Variants in PLPPR4 observed in about 807,000 individuals in gnomAD.
PLPPR4 encodes the protein phospholipid phosphatase related 4.
PLPPR4 carries 24 observed loss-of-function variants against 56.6 expected under a neutral mutation model. The observed-to-expected ratio is 0.42, with a 90% CI of 0.31 to 0.60. The LOEUF is 0.60. Ranked by LOEUF, PLPPR4 falls within the 20% of genes least tolerant of loss-of-function variation. PLPPR4 has a pLI of 0.13. For missense variants in PLPPR4, 654 were observed against 885.8 expected, an observed-to-expected ratio of 0.74 and a Z score of 3.32; for synonymous variants, 326 against 328.1, an observed-to-expected ratio of 0.99 and a Z score of 0.07.
upstream of PLPPR4, among the ~76,000 whole-genome samples, chr1:99,263,270 C>T (rs753173324): frequency 5.9e-5 from 9 of 151,990 alleles, no homozygotes; most frequent in Admixed American, 2.0e-4. Flanking sequence ...TCAACTAAGC[C>T]GGGATATTAT....
At chr1:99,305,055 A>G (rs909034040) in intron 6 of PLPPR4, among the ~76,000 whole-genome samples, 1 of 152,176 alleles carries the variant, frequency 6.6e-6, no homozygotes, top group Non-Finnish European at 1.5e-5. Flanking sequence ...TTCCCAATTT[A>G]TGACCAAGTT....
intron 1 of PLPPR4, among the ~76,000 whole-genome samples, chr1:99,273,476 C>T (rs902623558): frequency 2.6e-4 from 40 of 152,154 alleles, no homozygotes; most frequent in Admixed American, 2.0e-3. Context: ...CAAAAGTCTG[C>T]GCTATGGGTT....
rs565385017 is a variant in PLPPR4 at position 99,296,834 on chromosome 1, A to T, written c.361A>T (p.Asn121Tyr). Residue 121 changes from asparagine (N) to tyrosine (Y), a missense_variant, in exon 3 of 7, where the codon AAT (asparagine) becomes TAT (tyrosine). Coordinates refer to ENST00000370185, the MANE Select transcript of PLPPR4 (RefSeq NM_014839.5). ...CATTAATGCTGGAGGCTGCAACTTCAATTCCTTCCTCAGACGAGCTGTCAG... is the reference window on the plus strand; with the variant it reads ...CATTAATGCTGGAGGCTGCAACTTCTATTCCTTCCTCAGACGAGCTGTCAG... The part of the protein sequence containing the change: ...PNINAGGCNF[N>Y]SFLRRAVRFV... The T allele has an allele frequency of 6.3e-7, 1 of 1,592,586 alleles. No individual in the cohort carries two copies. Among genetic ancestry groups the T allele is most frequent in the African/African-American group, 1.3e-5 (1 of 74,720 alleles).
intron 2 of PLPPR4, among the ~76,000 whole-genome samples, chr1:99,292,840 C>G (rs1376341957): frequency 1.3e-5 from 2 of 151,616 alleles, no homozygotes; most frequent in East Asian, 3.9e-4. Context: ...CAGCAGTGAT[C>G]CTCCAGTGTC....
At chr1:99,302,038 A>G in intron 6 of PLPPR4, 141 bp downstream of exon 6, 1 of 498,536 alleles carries the variant, frequency 2.0e-6, no homozygotes, top group Non-Finnish European at 3.4e-6. Flanking sequence ...CTATGCCAAA[A>G]CACATATCTC....
At position 99,307,057 on chromosome 1, in the gene PLPPR4, T is replaced by G. The variant is rs777656523; in HGVS notation, c.*47T>G. 7.2e-6 allele frequency: 11 copies of G among 1,534,990 alleles called. No homozygotes were observed. Among genetic ancestry groups the G allele is most frequent in the Non-Finnish European group, 9.6e-6 (11 of 1,147,536 alleles). On this transcript the variant is annotated 3_prime_UTR_variant, in exon 7 of 7. Coordinates refer to ENST00000370185, the MANE Select transcript of PLPPR4 (RefSeq NM_014839.5). The stretch of plus-strand genomic sequence containing the variant: ...GGGCTACTCGCAAAAGACCATATGT[T>G]GATTCTACCTGTGTTCTGTTCCAGC...
chr1:99,298,208 A>G (rs1659791562), intron 3 of PLPPR4, among the ~76,000 whole-genome samples: 1 of 152,122 alleles, frequency 6.6e-6, no homozygotes, highest in Admixed American at 6.6e-5. Flanking sequence ...GCAACTCATG[A>G]ATCAGAATGC....
At position 99,305,899 on chromosome 1, in the gene PLPPR4, C is replaced by A; in HGVS notation, c.1037C>A (p.Ala346Asp). 2 of 1,614,056 alleles carry A rather than the reference C, an allele frequency of 1.2e-6. No individual in the cohort carries two copies. The highest frequency in any genetic ancestry group is 1.7e-6 in the Non-Finnish European group (2 of 1,180,006). The change falls in exon 7 of 7, where the codon GCT becomes GAT. Residue 346 changes from alanine (A) to aspartate (D), a missense_variant. Physicochemically the swap from Ala to Asp is moderately radical, Grantham distance 126. Coordinates refer to ENST00000370185, the MANE Select transcript of PLPPR4 (RefSeq NM_014839.5). ...CTGACAAATCTCAAAAGAGCAAATG[C>A]TGATGTGGAAATCATTACTCCACGG... ...SSLTNLKRAN[A>D]DVEIITPRSP... is the part of the protein sequence containing the mutation.
Position 99,278,384 on chromosome 1 carries a change from A to C in PLPPR4, c.79-9581A>C, listed in dbSNP as rs557193351. ...AAAAAGGTGTTGTGAAGATTGCATG[A>C]ATTCAAACATATAAAGTACTTTAAA... On this transcript the variant is annotated intron_variant, in intron 1 of 6. Transcript: ENST00000370185. 3.3e-5 allele frequency among the ~76,000 whole-genome samples: 5 copies of C among 152,288 alleles called. No homozygotes were observed. The South Asian group carries it at 6.2e-4, about 19-fold the overall frequency.
intron 1 of PLPPR4, among the ~76,000 whole-genome samples, chr1:99,285,824 A>T (rs979340175): frequency 6.6e-6 from 1 of 152,208 alleles, no homozygotes; most frequent in Non-Finnish European, 1.5e-5. Context: ...CAAAGGAACA[A>T]AGCCTTAAAC....
chr1:99,289,047 T>C (rs935821065), intron 2 of PLPPR4, among the ~76,000 whole-genome samples: 7 of 152,134 alleles, frequency 4.6e-5, no homozygotes, highest in Admixed American at 2.0e-4. Flanking sequence ...GATAAATCTA[T>C]TAATAAATAA....
intron 6 of PLPPR4, among the ~76,000 whole-genome samples, chr1:99,304,465 G>A (rs1157760048): frequency 6.6e-6 from 1 of 152,144 alleles, no homozygotes. Flanking sequence ...GGCTGTACTT[G>A]TATGGAGAGC....
At chr1:99,295,566 T>C (rs1178204204) in intron 2 of PLPPR4, among the ~76,000 whole-genome samples, 4 of 152,344 alleles carry the variant, frequency 2.6e-5, no homozygotes, top group African/African-American at 9.6e-5. Flanking sequence ...TGTACTTTCC[T>C]CAGCTCCACG....
intron 4 of PLPPR4, 52 bp from the exon 5 acceptor site, chr1:99,300,857 C>A: frequency 7.5e-7 from 1 of 1,326,154 alleles, no homozygotes; most frequent in Non-Finnish European, 1.1e-6. Context: ...GAGATGATTG[C>A]TAGCAGTGTA....
chr1:99,301,021 G>T, intron 5 of PLPPR4, 55 bp downstream of exon 5: 1 of 1,475,926 alleles, frequency 6.8e-7, no homozygotes, highest in South Asian at 1.1e-5. Flanking sequence ...TCTGAGGAAT[G>T]AATGTTGTCT....
In PLPPR4 at chr1:99,308,895, G is replaced by A. The variant is rs1250622637; in HGVS notation, c.*1885G>A. The A allele has an allele frequency of 2.6e-5, 4 of 152,548 alleles. No individual in the cohort carries two copies. The highest frequency in any genetic ancestry group is 9.7e-5 in the African/African-American group (4 of 41,424). 9.4% of individuals were successfully genotyped at this position (152,548 alleles called of 1,614,324 possible). A position where few individuals can be genotyped will look rare whatever the true frequency, so the allele number is the denominator to read the frequency against. On this transcript the variant is annotated 3_prime_UTR_variant, in exon 7 of 7. Transcript: ENST00000370185. ...GCTTTTGCCTGTTTGTAGAGGAAAAGGTGGGCTGGTTTTAGTACTCTGAAG... is the reference window on the plus strand; with the variant it reads ...GCTTTTGCCTGTTTGTAGAGGAAAAAGTGGGCTGGTTTTAGTACTCTGAAG...
chr1:99,278,372 G>A (rs894744909), intron 1 of PLPPR4, among the ~76,000 whole-genome samples: 1 of 152,072 alleles, frequency 6.6e-6, no homozygotes, highest in Non-Finnish European at 1.5e-5. Context: ...AAGGTGTTGT[G>A]AAGATTGCAT....
At chr1:99,289,995 C>T (rs1467933859) in intron 2 of PLPPR4, among the ~76,000 whole-genome samples, 5 of 152,086 alleles carry the variant, frequency 3.3e-5, no homozygotes, top group Non-Finnish European at 7.4e-5. Context: ...AGAAGTAAGA[C>T]TATTGCTGAC....
At position 99,307,194 on chromosome 1, in the gene PLPPR4, C is replaced by T; in HGVS notation, c.*184C>T. 2 of 664,392 alleles carry T rather than the reference C, an allele frequency of 3.0e-6. No individual in the cohort carries two copies. Among genetic ancestry groups the T allele is most frequent in the African/African-American group, 1.8e-5 (1 of 55,330 alleles). The allele number at this position is 664,392 out of a possible 1,614,324, so 41.2% of individuals were successfully genotyped here. A position where few individuals can be genotyped will look rare whatever the true frequency, so the allele number is the denominator to read the frequency against. On this transcript the variant is annotated 3_prime_UTR_variant, in exon 7 of 7. Coordinates refer to ENST00000370185, the MANE Select transcript of PLPPR4 (RefSeq NM_014839.5). ...ATCTCACATCAAGGAGAGGGAAAAG[C>T]ACAATGCAAGAACCTAACTAACGTG...
Sources: allele counts gnomAD v4.1 joint callset (sites outside exome capture counted in the v4.1 genomes callset), GRCh38; gene constraint gnomAD v4.1.1; transcripts MANE v1.5; gene names NCBI Gene and HGNC (gene_info 2026-07-23, HGNC 2026-07-21).